Variants in DCST1 observed in about 807,000 individuals in gnomAD.
DCST1 encodes the protein DC-STAMP domain containing 1.
Under a neutral mutation model 89.1 loss-of-function variants are expected in DCST1, and 78 were observed. The observed-to-expected ratio is 0.88, with a 90% CI of 0.73 to 1.06. The LOEUF is 1.06. DCST1 is among the 50% of genes least tolerant of loss of function. DCST1 has a pLI of 0.00. For missense variants in DCST1, 900 were observed against 928.6 expected, an observed-to-expected ratio of 0.97 and a Z score of 0.40; for synonymous variants, 364 against 371.9, an observed-to-expected ratio of 0.98 and a Z score of 0.24.
At position 155,042,840 on chromosome 1, in the gene DCST1, C is replaced by T; in HGVS notation, c.998C>T (p.Ala333Val). The T allele has an allele frequency of 1.2e-6, 2 of 1,614,096 alleles. No individual in the cohort carries two copies. The highest frequency in any genetic ancestry group is 1.7e-6 in the Non-Finnish European group (2 of 1,180,026). ...CGTGGCCTGGATGGGGAATTTTCAGCCAATATTGACTTCAAGGTAGAAGGC... is the reference window on the plus strand; with the variant it reads ...CGTGGCCTGGATGGGGAATTTTCAGTCAATATTGACTTCAAGGTAGAAGGC... ...SIRGLDGEFS[A>V]NIDFKEEKQA... The change falls in exon 9 of 17, where the codon GCC (alanine) becomes GTC (valine). Residue 333 changes from alanine (A) to valine (V), a missense_variant. Ala to Val is a moderately conservative substitution (Grantham distance 64). Transcript: ENST00000295542.
rs745861868 is a variant in DCST1, at chr1:155,047,838, C to T, written c.1664C>T (p.Ala555Val). Residue 555 changes from alanine to valine, a missense_variant, in exon 15 of 17, where the codon GCA becomes GTA. Transcript: ENST00000295542. ...GATGCCAGGGCCTACTGGAGAGCTG[C>T]AGTACCGATTGGCCTGTTAGTGTGT... ...GLDARAYWRA[A>V]VPIGLLVCLC... is the part of the protein sequence containing the mutation. The T allele has an allele frequency of 6.2e-7, 1 of 1,614,228 alleles. No homozygotes were observed. The highest frequency in any genetic ancestry group is 1.3e-5 in the African/African-American group (1 of 75,064).
At chr1:155,046,321 T>C (rs1251037307) in intron 12 of DCST1, 39 bp from the exon 13 acceptor site, 2 of 1,613,936 alleles carry the variant, frequency 1.2e-6, no homozygotes, top group Non-Finnish European at 1.7e-6. Context: ...CCCAGGCAGA[T>C]GGCACTGCCC....
chr1:155,045,472 G>T (rs1490554684), intron 10 of DCST1: 1 of 221,718 alleles, frequency 4.5e-6, no homozygotes, highest in Admixed American at 5.3e-5. Context: ...CCAAGAGGCA[G>T]GAATTTGTGA....
chr1:155,036,353 T>C (rs1259892850), intron 4 of DCST1, among the ~76,000 whole-genome samples: 1 of 152,218 alleles, frequency 6.6e-6, no homozygotes, highest in Non-Finnish European at 1.5e-5. Context: ...AGATTTCTGG[T>C]TGTATTTCTT....
At chr1:155,046,241 G>C in intron 12 of DCST1, 21 bp downstream of exon 12, 1 of 1,614,160 alleles carries the variant, frequency 6.2e-7, no homozygotes, top group Non-Finnish European at 8.5e-7. Context: ...CATGGGGAGC[G>C]GACTCCTGGG....
chr1:155,050,654 C>A lies in DCST1; in HGVS notation c.1907C>A (p.Pro636Gln). 6.3e-7 allele frequency: 1 copy of A among 1,597,538 alleles called. No individual in the cohort carries two copies. The highest frequency in any genetic ancestry group is 8.5e-7 in the Non-Finnish European group (1 of 1,174,924). The stretch of plus-strand genomic sequence containing the variant: ...GCGGATATCCTGCACCGCGGCTGCC[C>A]GCTCCTGCGCCGCTGGCTGTGCCGG... ...PLADILHRGCPLLRRWLCRRC... is the reference protein window; with the variant it reads ...PLADILHRGCQLLRRWLCRRC... Residue 636 changes from proline to glutamine, a missense_variant, in exon 17 of 17, where the codon CCG (proline) becomes CAG (glutamine). Pro to Gln is a moderately conservative substitution (Grantham distance 76). Coordinates refer to ENST00000295542, the MANE Select transcript of DCST1 (RefSeq NM_152494.4).
chr1:155,048,207 C>A (rs766138369), intron 16 of DCST1, 37 bp downstream of exon 16: 1 of 1,581,200 alleles, frequency 6.3e-7, no homozygotes, highest in South Asian at 1.1e-5. Context: ...CAGCTCCTGG[C>A]TGGGTCTAAG....
At chr1:155,038,570 A>G (rs1246096155) in intron 4 of DCST1, among the ~76,000 whole-genome samples, 3 of 152,186 alleles carry the variant, frequency 2.0e-5, no homozygotes, top group Non-Finnish European at 1.5e-5. Context: ...TTGGGTGAAC[A>G]TTCCATCAAC....
At chr1:155,049,619 C>T (rs1660802444) in intron 16 of DCST1, among the ~76,000 whole-genome samples, 2 of 152,074 alleles carry the variant, frequency 1.3e-5, no homozygotes, top group African/African-American at 2.4e-5. Flanking sequence ...TATCTTAGTA[C>T]AGGACCTGAC....
chr1:155,034,219 A>G (rs1660195567), intron 2 of DCST1, 122 bp downstream of exon 2: 5 of 1,523,812 alleles, frequency 3.3e-6, no homozygotes, highest in Non-Finnish European at 4.5e-6. Flanking sequence ...TCTCTGGTCT[A>G]GTGCCTCCCG....
At position 155,042,862 on chromosome 1, in the gene DCST1, A is replaced by G; in HGVS notation, c.1014+6A>G. The G allele has an allele frequency of 1.2e-6, 2 of 1,613,974 alleles. No individual in the cohort carries two copies. Among genetic ancestry groups the G allele is most frequent in the South Asian group, 2.2e-5 (2 of 91,080 alleles). On this transcript the variant is annotated splice_donor_region_variant and intron_variant, in intron 9 of 16. Transcript: ENST00000295542. The stretch of plus-strand genomic sequence containing the variant: ...CAGCCAATATTGACTTCAAGGTAGA[A>G]GGCAAGGGCGAGGGTTGGTGGGGGG...
Position 155,042,782 on chromosome 1 carries a change from G to C in DCST1, c.940G>C (p.Gly314Arg), listed in dbSNP as rs1274208558. ...TCGCATCCCAGTGGAAGGCAACTTT[G>C]GGCAGACCTACGACTCCCTCAACCA... ...RNRIPVEGNF[G>R]QTYDSLNQSI... is the part of the protein sequence containing the mutation. The change falls in exon 9 of 17, where the codon GGG (glycine) becomes CGG (arginine). Residue 314 changes from glycine to arginine, a missense_variant. Physicochemically the swap from Gly to Arg is moderately radical, Grantham distance 125. Transcript: ENST00000295542. 6.2e-7 allele frequency: 1 copy of C among 1,614,204 alleles called. No individual in the cohort carries two copies. Among genetic ancestry groups the C allele is most frequent in the Admixed American group, 1.7e-5 (1 of 60,032 alleles).
At chr1:155,043,234 G>A (rs1558108532) in intron 9 of DCST1, 118 bp from the exon 10 acceptor site, 1 of 1,455,842 alleles carries the variant, frequency 6.9e-7, no homozygotes, top group East Asian at 2.3e-5. Context: ...ACTCCTAGAG[G>A]TCCTGGGAGG....
intron 9 of DCST1, 26 bp downstream of exon 9, chr1:155,042,882 G>C (rs763776754): frequency 8.1e-6 from 13 of 1,613,088 alleles, no homozygotes; most frequent in South Asian, 6.6e-5. Context: ...GAGGGTTGGT[G>C]GGGGGTAGAT....
At position 155,041,795 on chromosome 1, in the gene DCST1, C is replaced by G. The variant is rs772198333; in HGVS notation, c.830C>G (p.Pro277Arg). ...CAGTGCATGAAGCACATCTGGGTCCCACTCCTCACCCACCTGCTCTGCCTG... is the reference window on the plus strand; with the variant it reads ...CAGTGCATGAAGCACATCTGGGTCCGACTCCTCACCCACCTGCTCTGCCTG... ...HEQCMKHIWV[P>R]LLTHLLCLPM... The change falls in exon 8 of 17, where the codon CCA becomes CGA. Residue 277 changes from proline (P) to arginine (R), a missense_variant. Coordinates refer to ENST00000295542, the MANE Select transcript of DCST1 (RefSeq NM_152494.4). The G allele has an allele frequency of 1.2e-6, 2 of 1,614,240 alleles. No individual in the cohort carries two copies. Among genetic ancestry groups the G allele is most frequent in the Non-Finnish European group, 1.7e-6 (2 of 1,180,046 alleles).
chr1:155,036,377 C>CTT (rs1172669096), intron 4 of DCST1, among the ~76,000 whole-genome samples: 2 of 152,298 alleles, frequency 1.3e-5, no homozygotes, highest in Non-Finnish European at 1.5e-5. Context: ...AAGACCTAGT[C>CTT]CTACTTCAAC....
intron 15 of DCST1, 41 bp from the exon 16 acceptor site, chr1:155,048,013 TGGG>T: frequency 6.2e-7 from 1 of 1,613,200 alleles, no homozygotes; most frequent in South Asian, 1.1e-5. Flanking sequence ...ACTCCATATT[TGGG>T]GGATGCCTTT....
In DCST1 at chr1:155,048,067, A is replaced by G. The variant is rs936229008; in HGVS notation, c.1766A>G (p.Lys589Arg). The change falls in exon 16 of 17, where the codon AAG (lysine) becomes AGG (arginine). Residue 589 changes from lysine (K) to arginine (R), a missense_variant. Lys to Arg is a conservative substitution (Grantham distance 26, BLOSUM62 2). Transcript: ENST00000295542. ...CCTTCCTGCCCCCAGCGAGAGAAGA[A>G]GCGGATCCTGTTCCTCTACAATGAC... is the stretch of plus-strand genomic sequence containing the variant. ...AAFYFPKREK[K>R]RILFLYNDLL... 1 of 1,613,866 alleles carries G rather than the reference A, an allele frequency of 6.2e-7. No individual in the cohort carries two copies. The highest frequency in any genetic ancestry group is 1.3e-5 in the African/African-American group (1 of 74,948).
intron 4 of DCST1, among the ~76,000 whole-genome samples, chr1:155,038,094 C>G (rs1035711991): frequency 2.0e-5 from 3 of 152,208 alleles, no homozygotes; most frequent in African/African-American, 7.2e-5. Flanking sequence ...TTGCCACAAA[C>G]CTGAATGACT....
Sources: allele counts gnomAD v4.1 joint callset (sites outside exome capture counted in the v4.1 genomes callset), GRCh38; gene constraint gnomAD v4.1.1; transcripts MANE v1.5; gene names NCBI Gene and HGNC (gene_info 2026-07-23, HGNC 2026-07-21).